The following PDE1A variants were observed in gnomAD, a reference collection of about 807,000 sequenced individuals.
PDE1A encodes the protein dual specificity calcium/calmodulin-dependent 3',5'-cyclic nucleotide phosphodiesterase 1A.
Under a neutral mutation model 61.7 loss-of-function variants are expected in PDE1A, and 35 were observed. That is an observed-to-expected ratio of 0.57 (90% CI 0.43 to 0.75). The LOEUF is 0.75. Among genes scored for constraint, PDE1A ranks in the 30% least tolerant of loss-of-function variants. PDE1A has a pLI of 0.00. For missense variants in PDE1A, 597 were observed against 630.6 expected (o/e 0.95, Z 0.57); for synonymous variants, 232 against 213.2 (o/e 1.09, Z -0.77).
rs529665803 is a variant in PDE1A at position 182,474,340 on chromosome 2, C to T, written c.101+47936G>A. Among the ~76,000 whole-genome samples the T allele has an allele frequency of 4.6e-5, 7 of 152,000 alleles. No homozygotes were observed. In the South Asian group the frequency reaches 6.2e-4, roughly 13 times the overall value. The stretch of plus-strand genomic sequence containing the variant: ...AAATGAAAGGACCCAACAGGAATGC[C>T]TCAGGCGTCATGTGCAGCAGCAAAG... On this transcript the variant is annotated intron_variant, in intron 2 of 14. Coordinates refer to the PDE1A transcript ENST00000410103.
intron 13 of PDE1A, among the ~76,000 whole-genome samples, chr2:182,149,573 C>G (rs934700332): frequency 7.2e-5 from 11 of 152,120 alleles, no homozygotes; most frequent in African/African-American, 2.4e-4. Context: ...TAGCAGAGTC[C>G]TCAGCAAATC....
chr2:182,227,084 G>A (rs771551261), intron 6 of PDE1A, among the ~76,000 whole-genome samples: 4 of 151,922 alleles, frequency 2.6e-5, no homozygotes, highest in Non-Finnish European at 4.4e-5. Flanking sequence ...GAGCAGGAAT[G>A]CAAACCCAAA....
At chr2:182,567,440 G>T in the PDE1A span, among the ~76,000 whole-genome samples, 1 of 152,130 alleles carries the variant, frequency 6.6e-6, no homozygotes, top group Non-Finnish European at 1.5e-5. Flanking sequence ...AAAACAAAGA[G>T]TCAAATAGTT....
chr2:182,163,683 T>C (rs1240611184), downstream of PDE1A, among the ~76,000 whole-genome samples: 1 of 152,170 alleles, frequency 6.6e-6, no homozygotes, highest in African/African-American at 2.4e-5. Context: ...GCACAATTCC[T>C]AGTGGACCTA....
At chr2:182,658,518 T>C in the PDE1A span, among the ~76,000 whole-genome samples, 1 of 152,238 alleles carries the variant, frequency 6.6e-6, no homozygotes, top group Non-Finnish European at 1.5e-5. Context: ...AGGTTTGCAC[T>C]TCAACGTATC....
the PDE1A span, among the ~76,000 whole-genome samples, chr2:182,644,981 C>G: frequency 7.3e-6 from 1 of 136,974 alleles, no homozygotes; most frequent in African/African-American, 2.7e-5. Flanking sequence ...CCCATGTCTT[C>G]TGTATTTTTT....
At chr2:182,161,114 G>T (rs985146134) in intron 13 of PDE1A, among the ~76,000 whole-genome samples, 1 of 152,096 alleles carries the variant, frequency 6.6e-6, no homozygotes, top group African/African-American at 2.4e-5. Flanking sequence ...TGGACAAAGT[G>T]AGGAAAGAAA....
At chr2:182,476,869 A>AT (rs1475498191) in intron 2 of PDE1A, among the ~76,000 whole-genome samples, 1 of 149,842 alleles carries the variant, frequency 6.7e-6, no homozygotes, top group Non-Finnish European at 1.5e-5. Context: ...GAAGGTTTCA[A>AT]TTTTTTACAT....
chr2:182,358,147 CGAT>C (rs1321115987), intron 1 of PDE1A, among the ~76,000 whole-genome samples: 2 of 152,090 alleles, frequency 1.3e-5, no homozygotes, highest in African/African-American at 2.4e-5. Flanking sequence ...GGGACGAATC[CGAT>C]GATACCACCT....
At chr2:182,659,080 A>T in the PDE1A span, among the ~76,000 whole-genome samples, 1 of 152,182 alleles carries the variant, frequency 6.6e-6, no homozygotes, top group African/African-American at 2.4e-5. Flanking sequence ...AAATTTTAAA[A>T]GTTACCTGAT....
At chr2:182,458,875 G>C (rs371790578) in intron 2 of PDE1A, among the ~76,000 whole-genome samples, 1 of 151,934 alleles carries the variant, frequency 6.6e-6, no homozygotes, top group Admixed American at 6.6e-5. Context: ...TAATTACACC[G>C]ATAACTGTGC....
At chr2:182,191,010 A>G (rs1192289257) in intron 10 of PDE1A, among the ~76,000 whole-genome samples, 1 of 152,148 alleles carries the variant, frequency 6.6e-6, no homozygotes, top group Non-Finnish European at 1.5e-5. Flanking sequence ...CATGAATGCA[A>G]TATGTACAAA....
chr2:182,386,489 C>T (rs538425411), intron 1 of PDE1A, among the ~76,000 whole-genome samples: 66 of 151,352 alleles, frequency 4.4e-4, no homozygotes, highest in Non-Finnish European at 7.8e-4. Context: ...CGCCTCTGCC[C>T]GGCCGCGACC....
the PDE1A span, among the ~76,000 whole-genome samples, chr2:182,611,168 C>T: frequency 2.6e-5 from 4 of 152,162 alleles, no homozygotes; most frequent in East Asian, 1.9e-4. Context: ...ACCTACAATA[C>T]GTAAGTGAGT....
At chr2:182,286,217 C>T (rs1361826193) in intron 1 of PDE1A, among the ~76,000 whole-genome samples, 4 of 152,060 alleles carry the variant, frequency 2.6e-5, no homozygotes, top group Non-Finnish European at 5.9e-5. Context: ...GAACTCATTA[C>T]ATTTCCTCCT....
chr2:182,323,865 G>A (rs1259785107), intron 1 of PDE1A, among the ~76,000 whole-genome samples: 3 of 152,144 alleles, frequency 2.0e-5, no homozygotes, highest in African/African-American at 7.2e-5. Flanking sequence ...AGACCAGCGT[G>A]TCAGTGTGTT....
chr2:182,245,037 G>A (rs1690846588), intron 2 of PDE1A, among the ~76,000 whole-genome samples: 1 of 152,126 alleles, frequency 6.6e-6, no homozygotes, highest in Non-Finnish European at 1.5e-5. Flanking sequence ...GTGAAATGGG[G>A]GAAGCCTCCA....
upstream of PDE1A, among the ~76,000 whole-genome samples, chr2:182,527,094 T>G (rs1474369507): frequency 6.6e-6 from 1 of 150,698 alleles, no homozygotes; most frequent in African/African-American, 2.4e-5. Flanking sequence ...TAAAAAGAAT[T>G]TTTTTAATTA....
intron 2 of PDE1A, among the ~76,000 whole-genome samples, chr2:182,440,590 G>C (rs1392815113): frequency 8.6e-6 from 1 of 115,626 alleles, no homozygotes; most frequent in African/African-American, 2.6e-5. Context: ...ATTAAAACAA[G>C]ATATATTCTA....
Sources: allele counts gnomAD v4.1 joint callset (sites outside exome capture counted in the v4.1 genomes callset), GRCh38; gene constraint gnomAD v4.1.1; transcripts MANE v1.5; gene names NCBI Gene and HGNC (gene_info 2026-07-23, HGNC 2026-07-21).